ROCK1: variants seen among roughly 807,000 people sequenced by gnomAD.
The protein encoded by ROCK1 is rho-associated protein kinase 1.
In ROCK1, 36 loss-of-function variants were observed where a neutral mutation model predicts 196.8. That is an observed-to-expected ratio of 0.18 (90% confidence interval 0.14 to 0.24). The LOEUF (loss-of-function observed/expected upper bound fraction) is 0.24. Ranked by LOEUF, ROCK1 falls within the 10% of genes least tolerant of loss-of-function variation. The pLI, the probability that ROCK1 is intolerant of heterozygous loss-of-function variation, is 1.00. For synonymous variants in ROCK1, 443 were observed against 515.9 expected (o/e 0.86, Z 1.91); for missense variants, 920 against 1,562.0 (o/e 0.59, Z 6.93).
chr18:21,094,456 T>C (rs892334217), intron 1 of ROCK1, among the ~76,000 whole-genome samples: 1 of 151,952 alleles, frequency 6.6e-6, no homozygotes, highest in Non-Finnish European at 1.5e-5. Flanking sequence ...AGGATCTGAA[T>C]AGACATTTCT....
chr18:21,002,903 G>A (rs181044616), intron 16 of ROCK1, among the ~76,000 whole-genome samples: 214 of 151,926 alleles, frequency 1.4e-3, no homozygotes, highest in Admixed American at 2.8e-3. Context: ...ACCATACCTC[G>A]CTAATTTTTT....
chr18:21,004,598 T>C (rs960745496), intron 16 of ROCK1, among the ~76,000 whole-genome samples: 1 of 152,338 alleles, frequency 6.6e-6, no homozygotes, highest in African/African-American at 2.4e-5. Flanking sequence ...TGATAGTACA[T>C]GGATGATCTC....
intron 16 of ROCK1, among the ~76,000 whole-genome samples, chr18:20,996,417 C>A (rs1268867523): frequency 6.6e-6 from 1 of 152,016 alleles, no homozygotes; most frequent in Non-Finnish European, 1.5e-5. Context: ...CATATAAGAT[C>A]TAGAAAATAG....
chr18:21,048,939 A>T (rs186820339), intron 4 of ROCK1, among the ~76,000 whole-genome samples, 153 bp downstream of exon 4: 3 of 152,368 alleles, frequency 2.0e-5, no homozygotes, highest in East Asian at 3.8e-4. Context: ...GAAATGATTC[A>T]ATACAATTAA....
chr18:20,967,577 C>T (rs1321192534), intron 26 of ROCK1, among the ~76,000 whole-genome samples, 175 bp downstream of exon 26: 1 of 152,114 alleles, frequency 6.6e-6, no homozygotes, highest in Non-Finnish European at 1.5e-5. Flanking sequence ...AAAACCTCTA[C>T]CCCAATTATA....
At position 21,111,049 on chromosome 18, in the gene ROCK1, C is replaced by T. The variant is rs1266017349; in HGVS notation, c.-139G>A. On this transcript the variant is annotated 5_prime_UTR_variant, in exon 1 of 33. Coordinates refer to ENST00000399799, the MANE Select transcript of ROCK1 (RefSeq NM_005406.3). The surrounding 1 kb of genome is among the most constrained non-coding windows in gnomAD (Gnocchi z 4.2). Reference sequence around the variant, plus strand: ...GGTCACCAGGTGCGCCCGGTTCCCCCGTCTTCCCCTCACTGAGGGGACCTC... The same window carrying T: ...GGTCACCAGGTGCGCCCGGTTCCCCTGTCTTCCCCTCACTGAGGGGACCTC... 2 of 665,248 alleles carry T rather than the reference C, an allele frequency of 3.0e-6. No individual in the cohort carries two copies. The highest frequency in any genetic ancestry group is 5.3e-6 in the Non-Finnish European group (2 of 379,782). 41.2% of individuals were successfully genotyped at this position (665,248 alleles called of 1,614,324 possible).
intron 20 of ROCK1, among the ~76,000 whole-genome samples, chr18:20,983,037 T>C (rs575013801): frequency 6.6e-6 from 1 of 152,096 alleles, no homozygotes; most frequent in African/African-American, 2.4e-5. Flanking sequence ...AATGACGCTA[T>C]GCAAAAGTAG....
At chr18:21,015,528 G>A in intron 12 of ROCK1, 49 bp from the exon 13 acceptor site, 3 of 1,186,898 alleles carry the variant, frequency 2.5e-6, no homozygotes, top group South Asian at 1.3e-5. Context: ...ATTTCTTATT[G>A]CCCAGTGTTA....
At chr18:20,985,780 C>T (rs1046931619) in intron 19 of ROCK1, among the ~76,000 whole-genome samples, 2 of 152,144 alleles carry the variant, frequency 1.3e-5, no homozygotes, top group African/African-American at 4.8e-5. Context: ...TCTAATTTCT[C>T]TTCTTTCTAG....
intron 16 of ROCK1, among the ~76,000 whole-genome samples, chr18:20,997,606 T>A (rs1034999666): frequency 1.3e-5 from 2 of 151,950 alleles, no homozygotes; most frequent in Non-Finnish European, 1.5e-5. Flanking sequence ...CAAAGAAAAA[T>A]CAGATTTAAT....
chr18:20,965,462 G>GTA (rs2035365700), intron 27 of ROCK1, among the ~76,000 whole-genome samples: 1 of 151,894 alleles, frequency 6.6e-6, no homozygotes, highest in Non-Finnish European at 1.5e-5. Flanking sequence ...GAGTAAGAAT[G>GTA]TATACATACA....
chr18:20,999,773 G>A (rs1281792090), intron 16 of ROCK1, among the ~76,000 whole-genome samples: 3 of 152,052 alleles, frequency 2.0e-5, no homozygotes, highest in African/African-American at 4.8e-5. Context: ...GACAACAGGC[G>A]TGCACCACCA....
At chr18:20,996,420 GAAAATAGCCTC>G (rs981271639) in intron 16 of ROCK1, among the ~76,000 whole-genome samples, 3 of 152,084 alleles carry the variant, frequency 2.0e-5, no homozygotes, top group African/African-American at 7.2e-5. Context: ...ATAAGATCTA[GAAAATAGCCTC>G]AAAAGAGAGT....
intron 12 of ROCK1, among the ~76,000 whole-genome samples, chr18:21,017,474 G>C (rs2035873798): frequency 6.6e-6 from 1 of 151,780 alleles, no homozygotes. Flanking sequence ...ACAGGCATGA[G>C]CCACCGCACC....
chr18:20,993,010 T>C (rs1032965883), intron 16 of ROCK1, 73 bp from the exon 17 acceptor site: 2 of 894,716 alleles, frequency 2.2e-6, no homozygotes, highest in African/African-American at 3.4e-5. Context: ...GACAATTTAG[T>C]TTTTAAAAAA....
At chr18:21,010,956 T>C (rs2035811689) in intron 13 of ROCK1, among the ~76,000 whole-genome samples, 1 of 152,242 alleles carries the variant, frequency 6.6e-6, no homozygotes, top group African/African-American at 2.4e-5. Flanking sequence ...TTTTCTTTGC[T>C]CTGAAGTCTA....
rs746141014 is a variant in ROCK1 at position 20,968,596 on chromosome 18, G to A, written c.3003+176C>T. On this transcript the variant is annotated intron_variant, in intron 25 of 32. Transcript: ENST00000399799. ...GTTGGGATTACAGGCATGAGCCACC[G>A]CGCCTGGCCTTGAAATTCTATTTCA... The A allele has an allele frequency of 8.0e-5, 44 of 549,330 alleles. 1 individual carries two copies. The highest frequency in any genetic ancestry group is 2.7e-4 in the South Asian group (11 of 40,686). The allele number at this position is 549,330 out of a possible 1,614,324, so 34.0% of individuals were successfully genotyped here.
intron 9 of ROCK1, among the ~76,000 whole-genome samples, chr18:21,036,753 T>C (rs1203851580): frequency 2.0e-5 from 3 of 152,138 alleles, no homozygotes; most frequent in African/African-American, 7.2e-5. Flanking sequence ...TAGAACACTG[T>C]ACAATAGAGC....
chr18:21,015,421 C>G lies in ROCK1; in HGVS notation c.1410+10G>C. ...TCAAAAAGGAAACTTGATTAGAAAA[C>G]AAAAAGTACCTCTTCATCCAATTCT... On this transcript the variant is annotated intron_variant, in intron 13 of 32. Transcript: ENST00000399799. 2 of 1,542,064 alleles carry G rather than the reference C, an allele frequency of 1.3e-6. No individual in the cohort carries two copies. Among genetic ancestry groups the G allele is most frequent in the Non-Finnish European group, 1.8e-6 (2 of 1,122,376 alleles).
Sources: gnomAD v4.1 joint callset for allele counts (sites outside exome capture counted in the v4.1 genomes callset) on GRCh38, gnomAD v4.1.1 for gene constraint, Gnocchi (gnomAD v3.1) non-coding constraint, MANE v1.5 for transcripts, NCBI Gene and HGNC (gene_info 2026-07-23, HGNC 2026-07-21) for gene names.